Variants in IL7 observed in about 807,000 individuals in gnomAD.
IL7 encodes the protein interleukin 7, also known as interleukin-7.
In IL7, 3 loss-of-function variants were observed where a neutral mutation model predicts 21.6. That is an observed-to-expected ratio of 0.14 (90% CI 0.06 to 0.36). IL7 has a LOEUF of 0.36. IL7 is among the 10% of genes least tolerant of loss of function. IL7 has a pLI of 1.00. For missense variants in IL7, 175 were observed against 200.2 expected (o/e 0.87, Z 0.76); for synonymous variants, 62 against 68.1 (o/e 0.91, Z 0.44).
chr8:78,755,332 T>G (rs1442664337), intron 2 of IL7, among the ~76,000 whole-genome samples: 2 of 152,050 alleles, frequency 1.3e-5, no homozygotes, highest in Non-Finnish European at 2.9e-5. Flanking sequence ...TCCATACAAA[T>G]TTTAGGACTG....
chr8:78,789,391 T>C (rs2130825685), intron 2 of IL7, among the ~76,000 whole-genome samples: 1 of 152,334 alleles, frequency 6.6e-6, no homozygotes, highest in East Asian at 1.9e-4. Flanking sequence ...ACATTTTCCT[T>C]ATTTGTTAAC....
At chr8:78,800,827 T>C (rs1473707162) in intron 1 of IL7, among the ~76,000 whole-genome samples, 1 of 152,172 alleles carries the variant, frequency 6.6e-6, no homozygotes, top group African/African-American at 2.4e-5. Context: ...AAGGAGAATA[T>C]AATAAAATAA....
chr8:78,719,631 A>G (rs747282047), intron 5 of IL7: 6 of 151,752 alleles, frequency 4.0e-5, no homozygotes, highest in African/African-American at 4.8e-5. Context: ...TTGCTTATGT[A>G]TTATTCTGAA....
At chr8:78,786,341 G>A (rs751909838) in intron 2 of IL7, among the ~76,000 whole-genome samples, 7 of 152,084 alleles carry the variant, frequency 4.6e-5, no homozygotes, top group Non-Finnish European at 4.4e-5. Flanking sequence ...TATAGAACAG[G>A]TACAGTAAAA....
intron 2 of IL7, among the ~76,000 whole-genome samples, chr8:78,755,375 A>G (rs1812314349): frequency 1.3e-5 from 2 of 152,164 alleles, no homozygotes; most frequent in African/African-American, 4.8e-5. Context: ...TGTCATTGGT[A>G]TTATGATAGG....
At chr8:78,755,784 A>C (rs574217950) in intron 2 of IL7, among the ~76,000 whole-genome samples, 16 of 152,174 alleles carry the variant, frequency 1.1e-4, no homozygotes, top group African/African-American at 3.8e-4. Flanking sequence ...AAAGAGGGAC[A>C]ATTGACTTCT....
chr8:78,750,388 C>T (rs925540427), intron 2 of IL7, among the ~76,000 whole-genome samples: 3 of 151,476 alleles, frequency 2.0e-5, no homozygotes, highest in Non-Finnish European at 2.9e-5. Context: ...TTACTCAGAA[C>T]ATTATAATCA....
At chr8:78,752,282 T>C (rs929718035) in intron 2 of IL7, among the ~76,000 whole-genome samples, 10 of 152,210 alleles carry the variant, frequency 6.6e-5, no homozygotes, top group Admixed American at 3.9e-4. Flanking sequence ...TTCCTTTGGA[T>C]AACTGCTTGG....
chr8:78,775,682 A>T (rs958859349), intron 2 of IL7, among the ~76,000 whole-genome samples: 2 of 152,186 alleles, frequency 1.3e-5, no homozygotes, highest in East Asian at 3.9e-4. Context: ...TTACTGACTT[A>T]CTGTAACCTC....
chr8:78,803,423 C>A (rs1265435805), intron 1 of IL7, among the ~76,000 whole-genome samples: 1 of 152,146 alleles, frequency 6.6e-6, no homozygotes, highest in Non-Finnish European at 1.5e-5. Context: ...ATGGCAAAGA[C>A]AAAGGGTAAA....
intron 1 of IL7, among the ~76,000 whole-genome samples, chr8:78,799,941 G>A (rs1813996377): frequency 6.6e-6 from 1 of 152,196 alleles, no homozygotes. Flanking sequence ...AGATTTAAGG[G>A]GGACCAGAGC....
At chr8:78,730,334 T>C (rs1026631216), downstream of IL7, among the ~76,000 whole-genome samples, 1 of 152,020 alleles carries the variant, frequency 6.6e-6, no homozygotes, top group African/African-American at 2.4e-5. Context: ...TATTTTTATA[T>C]TTAGACATTA....
intron 2 of IL7, among the ~76,000 whole-genome samples, chr8:78,794,245 G>T (rs1813785490): frequency 6.6e-6 from 1 of 152,080 alleles, no homozygotes; most frequent in Non-Finnish European, 1.5e-5. Context: ...TCTATTAGAT[G>T]AATCATTATC....
chr8:78,696,255 C>T (rs1219016109), intron 3 of IL7, among the ~76,000 whole-genome samples: 1 of 152,200 alleles, frequency 6.6e-6, no homozygotes, highest in Non-Finnish European at 1.5e-5. Context: ...AGGATGGTCT[C>T]GATCTCCTGA....
At chr8:78,698,184 A>G (rs1443813125) in intron 3 of IL7, among the ~76,000 whole-genome samples, 1 of 152,184 alleles carries the variant, frequency 6.6e-6, no homozygotes, top group African/African-American at 2.4e-5. Context: ...GATATTGACC[A>G]CTGACATGTA....
chr8:78,785,609 A>G (rs1430976138), intron 2 of IL7, among the ~76,000 whole-genome samples: 1 of 152,148 alleles, frequency 6.6e-6, no homozygotes, highest in Non-Finnish European at 1.5e-5. Context: ...CTATGGCGTG[A>G]AGTACAAATG....
At chr8:78,777,520 C>A (rs16906090) in intron 2 of IL7, among the ~76,000 whole-genome samples, 1 of 152,036 alleles carries the variant, frequency 6.6e-6, no homozygotes, top group African/African-American at 2.4e-5. Context: ...TGGGAAACTA[C>A]CTTTAAGGAC....
chr8:78,703,632 G>A (rs538422466), intron 3 of IL7, among the ~76,000 whole-genome samples: 1 of 150,298 alleles, frequency 6.7e-6, no homozygotes, highest in African/African-American at 2.5e-5. Context: ...CATTTGCTTG[G>A]TAAATTTTTC....
intron 2 of IL7, among the ~76,000 whole-genome samples, chr8:78,765,685 T>A (rs964970883): frequency 2.0e-5 from 3 of 152,062 alleles, no homozygotes; most frequent in Non-Finnish European, 4.4e-5. Flanking sequence ...CCACAGTAAA[T>A]GCTGGCAAGG....
Sources: allele counts gnomAD v4.1 joint callset (sites outside exome capture counted in the v4.1 genomes callset), GRCh38; gene constraint gnomAD v4.1.1; transcripts MANE v1.5; gene names NCBI Gene and HGNC (gene_info 2026-07-23, HGNC 2026-07-21).